The following TBCA variants were observed in gnomAD, a reference collection of about 807,000 sequenced individuals.
TBCA encodes the protein tubulin-specific chaperone A.
Under a neutral mutation model 15.8 loss-of-function variants are expected in TBCA, and 6 were observed. That is an observed-to-expected ratio of 0.38 (90% CI 0.21 to 0.75). The LOEUF (loss-of-function observed/expected upper bound fraction) is 0.75, where lower values mean the gene tolerates loss of function less well. Ranked by LOEUF, TBCA falls within the 30% of genes least tolerant of loss-of-function variation. TBCA has a pLI of 0.46. For missense variants in TBCA, 90 were observed against 131.2 expected (o/e 0.69, Z 1.53); for synonymous variants, 32 against 42.3 (o/e 0.76, Z 0.94).
At chr5:77,698,290 AAGG>A (rs1272360481) in intron 2 of TBCA, among the ~76,000 whole-genome samples, 1 of 152,128 alleles carries the variant, frequency 6.6e-6, no homozygotes, top group Non-Finnish European at 1.5e-5. Context: ...CAATTATTAA[AAGG>A]AGAAGAAAGA....
At chr5:77,697,318 T>C (rs1745894648) in intron 2 of TBCA, among the ~76,000 whole-genome samples, 2 of 152,200 alleles carry the variant, frequency 1.3e-5, no homozygotes, top group Admixed American at 1.3e-4. Flanking sequence ...AGAATACAAA[T>C]ACTTTTCAAG....
chr5:77,721,748 G>C (rs966870989), intron 1 of TBCA, among the ~76,000 whole-genome samples: 2 of 152,024 alleles, frequency 1.3e-5, no homozygotes, highest in Admixed American at 6.6e-5. Flanking sequence ...AGACTCTGAA[G>C]CCCTCCAAAT....
At chr5:77,762,115 A>G (rs1303719139) in intron 1 of TBCA, among the ~76,000 whole-genome samples, 1 of 152,232 alleles carries the variant, frequency 6.6e-6, no homozygotes, top group East Asian at 1.9e-4. Flanking sequence ...GACAGTAGAT[A>G]CTGGAATGAA....
In TBCA at chr5:77,772,464, TTAAAG is replaced by T. The variant is rs1561287711; in HGVS notation, c.53+3736_53+3740del. Among the ~76,000 whole-genome samples, 10 of 151,838 alleles carry T rather than the reference TTAAAG, an allele frequency of 6.6e-5. No homozygotes were observed. The South Asian group carries it at 2.1e-3, about 32-fold the overall frequency. On this transcript the variant is annotated intron_variant, in intron 1 of 3. Coordinates refer to ENST00000380377, the MANE Select transcript of TBCA (RefSeq NM_004607.3). Reference sequence around the variant, plus strand: ...ACGTTCAGCACATGTATCCCAGAACTTAAAGTAAAATAAAAATAAATAATAATAAA... The same window carrying T: ...ACGTTCAGCACATGTATCCCAGAACTTAAAATAAAAATAAATAATAATAAA...
intron 1 of TBCA, among the ~76,000 whole-genome samples, chr5:77,761,155 A>T (rs2112507316): frequency 1.3e-5 from 2 of 152,228 alleles, no homozygotes; most frequent in South Asian, 4.2e-4. Context: ...GACCATCGAG[A>T]ACGGGCCATG....
At chr5:77,702,472 G>A (rs1746040142) in intron 2 of TBCA, among the ~76,000 whole-genome samples, 1 of 152,146 alleles carries the variant, frequency 6.6e-6, no homozygotes, top group Non-Finnish European at 1.5e-5. Flanking sequence ...ACATTCTTGA[G>A]GCAGTGTAAT....
At chr5:77,704,994 C>T (rs1746115358) in intron 2 of TBCA, among the ~76,000 whole-genome samples, 1 of 152,010 alleles carries the variant, frequency 6.6e-6, no homozygotes. Flanking sequence ...TTTTTTTCCC[C>T]TTTTACATCT....
At chr5:77,745,177 A>G (rs1747158203) in intron 1 of TBCA, among the ~76,000 whole-genome samples, 1 of 152,222 alleles carries the variant, frequency 6.6e-6, no homozygotes, top group Admixed American at 6.5e-5. Flanking sequence ...AAAGAAAGAA[A>G]AAGCTGGGGG....
chr5:77,755,684 T>C (rs559732068), intron 1 of TBCA, among the ~76,000 whole-genome samples: 2 of 152,196 alleles, frequency 1.3e-5, no homozygotes, highest in East Asian at 1.9e-4. Flanking sequence ...TCCATTTATA[T>C]AACCATTTGC....
chr5:77,751,430 C>T (rs980457813), intron 1 of TBCA, among the ~76,000 whole-genome samples: 3 of 151,954 alleles, frequency 2.0e-5, no homozygotes, highest in Non-Finnish European at 4.4e-5. Flanking sequence ...CCACCTGCCT[C>T]GGGCTCCTAA....
In TBCA at chr5:77,691,701, G is replaced by A. The variant is rs909830427; in HGVS notation, c.247-203C>T. 7.2e-5 allele frequency: 95 copies of A among 1,312,110 alleles called. No homozygotes were observed. In the African/African-American group the frequency reaches 1.1e-3, roughly 15 times the overall value. 81.3% of individuals were successfully genotyped at this position (1,312,110 alleles called of 1,614,324 possible). Reference sequence around the variant, plus strand: ...CAAGGAAAGGAAGAAATAACTGGTGGTTTTGTTTCACTGTATATATTCTCA... The same window carrying A: ...CAAGGAAAGGAAGAAATAACTGGTGATTTTGTTTCACTGTATATATTCTCA... On this transcript the variant is annotated intron_variant, in intron 3 of 3. Transcript: ENST00000380377.
intron 1 of TBCA, among the ~76,000 whole-genome samples, chr5:77,723,693 T>C (rs1411308200): frequency 6.6e-6 from 1 of 152,036 alleles, no homozygotes; most frequent in Non-Finnish European, 1.5e-5. Flanking sequence ...CTTTAGTCAC[T>C]GTCGCCTGTC....
At chr5:77,771,847 C>T (rs1213260649) in intron 1 of TBCA, among the ~76,000 whole-genome samples, 1 of 152,142 alleles carries the variant, frequency 6.6e-6, no homozygotes, top group African/African-American at 2.4e-5. Flanking sequence ...CTAGTATAGC[C>T]TACCCAAACT....
At chr5:77,702,375 C>T (rs1361192536) in intron 2 of TBCA, among the ~76,000 whole-genome samples, 1 of 152,118 alleles carries the variant, frequency 6.6e-6, no homozygotes, top group East Asian at 1.9e-4. Flanking sequence ...CACTCAGTAA[C>T]TTCAATGGAC....
In TBCA at chr5:77,776,317, G is replaced by A. The variant is rs576491061; in HGVS notation, c.-60C>T. ...AGCCGGGGTAACCGTGGAGGGCGAC[G>A]CGCAGAGGCTGCGGCTATTTAGGCG... On this transcript the variant is annotated 5_prime_UTR_variant, in exon 1 of 4. Transcript: ENST00000380377. The A allele has an allele frequency of 1.9e-6, 3 of 1,544,194 alleles. No homozygotes were observed. The highest frequency in any genetic ancestry group is 2.4e-5 in the East Asian group (1 of 40,988).
At chr5:77,762,463 T>C (rs1274928963) in intron 1 of TBCA, among the ~76,000 whole-genome samples, 1 of 152,080 alleles carries the variant, frequency 6.6e-6, no homozygotes, top group Non-Finnish European at 1.5e-5. Context: ...AGATGAGGGG[T>C]ATAATCTGCC....
At chr5:77,729,781 A>G (rs940993562) in intron 1 of TBCA, among the ~76,000 whole-genome samples, 3 of 152,194 alleles carry the variant, frequency 2.0e-5, no homozygotes, top group African/African-American at 2.4e-5. Context: ...TCATTCCACT[A>G]TTGACCAATC....
chr5:77,736,602 G>C (rs1321279719), intron 1 of TBCA, among the ~76,000 whole-genome samples: 1 of 151,992 alleles, frequency 6.6e-6, no homozygotes, highest in East Asian at 1.9e-4. Flanking sequence ...ATATATCCTA[G>C]TCATTTCCTA....
intron 1 of TBCA, among the ~76,000 whole-genome samples, chr5:77,725,980 G>T (rs1746624007): frequency 6.6e-6 from 1 of 152,200 alleles, no homozygotes; most frequent in African/African-American, 2.4e-5. Flanking sequence ...ATCTGCCACT[G>T]TGTTTTCCCA....
Sources: gnomAD v4.1 joint callset for allele counts (sites outside exome capture counted in the v4.1 genomes callset) on GRCh38, gnomAD v4.1.1 for gene constraint, MANE v1.5 for transcripts, NCBI Gene and HGNC (gene_info 2026-07-23, HGNC 2026-07-21) for gene names.